Variants in CSF2RA observed in about 807,000 individuals in gnomAD.
The protein encoded by CSF2RA is colony stimulating factor 2 receptor subunit alpha, also known as granulocyte-macrophage colony-stimulating factor receptor subunit alpha.
CSF2RA carries 42 observed loss-of-function variants against 51.6 expected under a neutral mutation model. The observed-to-expected ratio is 0.81, with a 90% CI of 0.64 to 1.05. The LOEUF (loss-of-function observed/expected upper bound fraction) is 1.05, where lower values mean the gene tolerates loss of function less well. Among genes scored for constraint, CSF2RA ranks in the 50% least tolerant of loss-of-function variants. CSF2RA has a pLI of 0.00. For synonymous variants in CSF2RA, 222 were observed against 193.0 expected (o/e 1.15, Z -1.24); for missense variants, 530 against 501.1 (o/e 1.06, Z -0.55).
intron 6 of CSF2RA, among the ~76,000 whole-genome samples, chrX:1,290,000 GTGTTTTGTGTTT>G (rs1484566516): frequency 2.9e-5 from 2 of 70,030 alleles, no homozygotes; most frequent in Non-Finnish European, 6.2e-5. Context: ...TTTTTGTTTT[GTGTTTTGTGTTT>G]TGTTTTGTGT....
At chrX:1,302,364 A>T (rs1223922609) in intron 10 of CSF2RA, among the ~76,000 whole-genome samples, 3 of 151,984 alleles carry the variant, frequency 2.0e-5, no homozygotes, top group Admixed American at 2.0e-4. Flanking sequence ...AAGGGTACAG[A>T]AGAAAAATTG....
intron 7 of CSF2RA, among the ~76,000 whole-genome samples, chrX:1,290,723 G>A (rs2091319975): frequency 1.3e-5 from 2 of 151,906 alleles, no homozygotes; most frequent in Non-Finnish European, 2.9e-5. Flanking sequence ...AAATTAGCCG[G>A]GCATGGTGGC....
chrX:1,278,768 T>C (rs2089522923), intron 2 of CSF2RA, among the ~76,000 whole-genome samples: 1 of 150,166 alleles, frequency 6.7e-6, no homozygotes, highest in South Asian at 2.1e-4. Flanking sequence ...CTGGGTGCAG[T>C]GGCTCATGCC....
chrX:1,269,925 T>A (rs1294511294), intron 1 of CSF2RA, among the ~76,000 whole-genome samples: 2 of 151,920 alleles, frequency 1.3e-5, no homozygotes, highest in Non-Finnish European at 2.9e-5. Flanking sequence ...TTGGCCAACA[T>A]GGCAAAACCA....
At chrX:1,314,132 C>T (rs1293994822), downstream of CSF2RA, among the ~76,000 whole-genome samples, 1 of 152,120 alleles carries the variant, frequency 6.6e-6, no homozygotes, top group African/African-American at 2.4e-5. Flanking sequence ...TTCTTTGGCA[C>T]CTACGGACCC....
chrX:1,305,748 G>T, intron 12 of CSF2RA: 1 of 1,551,940 alleles, frequency 6.4e-7, no homozygotes, highest in Non-Finnish European at 8.7e-7. Flanking sequence ...TCCATCAGGA[G>T]AAACTGAGGC....
At chrX:1,313,786 C>T (rs1309189463), downstream of CSF2RA, among the ~76,000 whole-genome samples, 5 of 151,892 alleles carry the variant, frequency 3.3e-5, no homozygotes, top group South Asian at 2.1e-4. Flanking sequence ...GTCAGGAGTC[C>T]GAGACCAGCC....
chrX:1,309,141 G>C (rs1182270279), intron 12 of CSF2RA, among the ~76,000 whole-genome samples: 1 of 152,094 alleles, frequency 6.6e-6, no homozygotes, highest in Non-Finnish European at 1.5e-5. Context: ...AGGTCTAAAG[G>C]GGGAAGAGTG....
intron 2 of CSF2RA, among the ~76,000 whole-genome samples, chrX:1,275,372 C>A (rs1246661269): frequency 1.3e-5 from 2 of 151,596 alleles, no homozygotes; most frequent in African/African-American, 4.8e-5. Context: ...GCCTGGGCAA[C>A]AGAGCGACAG....
rs1457117979 is a variant in CSF2RA, at chrX:1,309,844, C to T, written c.*365C>T. ...CGGAGGTTGTAGTGAGCCAAGATCG[C>T]ACCATTGCACACCAACCTGCGTGAC... On this transcript the variant is annotated 3_prime_UTR_variant, in exon 13 of 13. Coordinates refer to ENST00000381529, the MANE Select transcript of CSF2RA (RefSeq NM_172245.4). 14 of 599,214 alleles carry T rather than the reference C, an allele frequency of 2.3e-5. No homozygotes were observed. The Admixed American group carries it at 3.8e-4, about 16-fold the overall frequency. 37.1% of individuals were successfully genotyped at this position (599,214 alleles called of 1,614,324 possible).
downstream of CSF2RA, among the ~76,000 whole-genome samples, chrX:1,313,176 C>T (rs765060200): frequency 1.7e-3 from 256 of 152,258 alleles, no homozygotes; most frequent in Non-Finnish European, 3.0e-3. Flanking sequence ...ATAATCCCAG[C>T]GCTTTGCCAG....
downstream of CSF2RA, among the ~76,000 whole-genome samples, chrX:1,313,239 C>T (rs1415551481): frequency 1.7e-4 from 26 of 151,398 alleles, no homozygotes; most frequent in Non-Finnish European, 2.8e-4. Context: ...GCCTGGCCAA[C>T]GTGGTGAAAC....
chrX:1,285,092 A>T (rs1343491013), intron 3 of CSF2RA, among the ~76,000 whole-genome samples: 1 of 151,854 alleles, frequency 6.6e-6, no homozygotes, highest in East Asian at 1.9e-4. Flanking sequence ...AAGAGATGCG[A>T]TCTTGCTATG....
At chrX:1,290,942 G>A (rs1277276135) in intron 7 of CSF2RA, among the ~76,000 whole-genome samples, 1 of 151,982 alleles carries the variant, frequency 6.6e-6, no homozygotes, top group African/African-American at 2.4e-5. Context: ...CTTTTTTTGA[G>A]ATAGAGTCTC....
At chrX:1,280,934 CCTCCTCCTCCTG>C (rs2089887307) in intron 2 of CSF2RA, among the ~76,000 whole-genome samples, 3 of 77,310 alleles carry the variant, frequency 3.9e-5, no homozygotes, top group African/African-American at 5.0e-5. Context: ...TCCTTCTCCT[CCTCCTCCTCCTG>C]CTTCTCCTCC....
chrX:1,289,652 GTTTTGTTTTGTGGT>G lies in CSF2RA; in HGVS notation c.474-672_474-659del, dbSNP rs1188488371. Among the ~76,000 whole-genome samples, 95 of 146,002 alleles carry G rather than the reference GTTTTGTTTTGTGGT, an allele frequency of 6.5e-4. 1 individual carries two copies. The East Asian group carries it at 0.02, about 30-fold the overall frequency. On this transcript the variant is annotated intron_variant, in intron 6 of 12. Coordinates refer to ENST00000381529, the MANE Select transcript of CSF2RA (RefSeq NM_172245.4). ...TGTGTTTTGTTTTGTGTTTGTTTTT[GTTTTGTTTTGTGGT>G]TTTTGTTTTGTGTTGTGTTTGTTTT...
At chrX:1,300,747 T>A in intron 10 of CSF2RA, 121 bp downstream of exon 10, 1 of 1,278,258 alleles carries the variant, frequency 7.8e-7, no homozygotes, top group Non-Finnish European at 1.1e-6. Context: ...CTGGGAGTAG[T>A]GTCAGGCTCT....
intron 12 of CSF2RA, among the ~76,000 whole-genome samples, chrX:1,306,387 C>T (rs776650572): frequency 1.3e-4 from 20 of 152,170 alleles, no homozygotes; most frequent in African/African-American, 4.6e-4. Context: ...TGACTCACAT[C>T]TGTCATCCCA....
At chrX:1,305,271 G>A (rs1289541393) in intron 11 of CSF2RA, among the ~76,000 whole-genome samples, 175 bp from the exon 12 acceptor site, 2 of 152,180 alleles carry the variant, frequency 1.3e-5, no homozygotes, top group Non-Finnish European at 2.9e-5. Flanking sequence ...ACAGGTGTGA[G>A]CCACTGCACC....
Sources: gnomAD v4.1 joint callset for allele counts (sites outside exome capture counted in the v4.1 genomes callset) on GRCh38, gnomAD v4.1.1 for gene constraint, MANE v1.5 for transcripts, NCBI Gene and HGNC (gene_info 2026-07-23, HGNC 2026-07-21) for gene names.